GBP6: variants seen among roughly 807,000 people sequenced by gnomAD.
The protein encoded by GBP6 is guanylate binding protein family member 6, also known as guanylate-binding protein 6.
Under a neutral mutation model 61.5 loss-of-function variants are expected in GBP6, and 54 were observed. That is an observed-to-expected ratio of 0.88 (90% CI 0.71 to 1.10). The LOEUF (loss-of-function observed/expected upper bound fraction) is 1.10. Among genes scored for constraint, GBP6 ranks in the 50% least tolerant of loss-of-function variants. The pLI is 0.00. For missense variants in GBP6, 748 were observed against 752.8 expected, an observed-to-expected ratio of 0.99 and a Z score of 0.07; for synonymous variants, 255 against 273.7, an observed-to-expected ratio of 0.93 and a Z score of 0.67.
At position 89,378,137 on chromosome 1, in the gene GBP6, T is replaced by C. The variant is rs1215488566; in HGVS notation, c.353T>C (p.Leu118Pro). Residue 118 changes from leucine to proline, a missense_variant, in exon 4 of 11, where the codon CTG becomes CCG. Coordinates refer to ENST00000370456, the MANE Select transcript of GBP6 (RefSeq NM_198460.3). Reference protein sequence around the residue: ...DPKNDSWIFALAVLLCSTFVY... With the variant: ...DPKNDSWIFAPAVLLCSTFVY... ...AAGAATGACTCCTGGATCTTTGCCCTGGCTGTGCTCCTGTGCAGCACCTTT... is the reference window on the plus strand; with the variant it reads ...AAGAATGACTCCTGGATCTTTGCCCCGGCTGTGCTCCTGTGCAGCACCTTT... 1 of 1,613,284 alleles carries C rather than the reference T, an allele frequency of 6.2e-7. No homozygotes were observed. The highest frequency in any genetic ancestry group is 8.5e-7 in the Non-Finnish European group (1 of 1,179,802).
At chr1:89,373,188 G>T (rs1652694131) in intron 3 of GBP6, among the ~76,000 whole-genome samples, 1 of 152,186 alleles carries the variant, frequency 6.6e-6, no homozygotes, top group Non-Finnish European at 1.5e-5. Context: ...AGGATGTGGA[G>T]AAATAGGAAC....
At chr1:89,366,298 C>T (rs1167752886) in intron 1 of GBP6, among the ~76,000 whole-genome samples, 2 of 152,088 alleles carry the variant, frequency 1.3e-5, no homozygotes, top group East Asian at 3.8e-4. Context: ...GAGTAAATTG[C>T]AGAGAACCTG....
At position 89,385,249 on chromosome 1, in the gene GBP6, A is replaced by T. The variant is rs1209761733; in HGVS notation, c.1682A>T (p.His561Leu). 6.2e-7 allele frequency: 1 copy of T among 1,613,606 alleles called. No homozygotes were observed. Among genetic ancestry groups the T allele is most frequent in the Non-Finnish European group, 8.5e-7 (1 of 1,179,568 alleles). ...CTTTAGGTCCAAAATGATTGGCTTC[A>T]TGAAGGATTTAAGAAGAAGTATGAG... ...HTQKVQNDWL[H>L]EGFKKKYEEM... Residue 561 changes from histidine to leucine, a missense_variant, in exon 11 of 11, where the codon CAT becomes CTT. His to Leu is a moderately conservative substitution (Grantham distance 99). Coordinates refer to ENST00000370456, the MANE Select transcript of GBP6 (RefSeq NM_198460.3).
At position 89,373,005 on chromosome 1, in the gene GBP6, G is replaced by T. The variant is rs145839123; in HGVS notation, c.318+3332G>T. Among the ~76,000 whole-genome samples the T allele has an allele frequency of 8.5e-3, 1,286 of 152,186 alleles. 17 individuals are homozygous for T. Among genetic ancestry groups the T allele is most frequent in the African/African-American group, 0.029 (1,223 of 41,498 alleles). On this transcript the variant is annotated intron_variant, in intron 3 of 10. Coordinates refer to ENST00000370456, the MANE Select transcript of GBP6 (RefSeq NM_198460.3). The stretch of plus-strand genomic sequence containing the variant: ...CAACCCCATCAAAAAGTGGGCAAAG[G>T]ATATGAACAGACACTTCTCAAAAGA...
intron 10 of GBP6, 97 bp from the exon 11 acceptor site, chr1:89,385,133 G>C (rs1471327413): frequency 9.1e-7 from 1 of 1,095,684 alleles, no homozygotes; most frequent in Non-Finnish European, 1.3e-6. Context: ...GTTTTTAGGA[G>C]TAAAATAAAG....
At chr1:89,370,964 T>G (rs1652618190) in intron 3 of GBP6, among the ~76,000 whole-genome samples, 1 of 152,208 alleles carries the variant, frequency 6.6e-6, no homozygotes, top group African/African-American at 2.4e-5. Context: ...TAACTGAAAT[T>G]TTGAACTCTG....
At chr1:89,378,295 T>C in intron 4 of GBP6, 83 bp downstream of exon 4, 1 of 1,530,778 alleles carries the variant, frequency 6.5e-7, no homozygotes. Flanking sequence ...TCCTTCCCTT[T>C]GATGTAATTA....
intron 5 of GBP6, among the ~76,000 whole-genome samples, chr1:89,380,072 A>C (rs1652920734): frequency 6.6e-6 from 1 of 152,206 alleles, no homozygotes. Context: ...TAGGAAATCA[A>C]GGATGCAGTA....
intron 1 of GBP6, among the ~76,000 whole-genome samples, chr1:89,366,727 C>G (rs1050571892): frequency 3.9e-5 from 6 of 152,108 alleles, no homozygotes. Context: ...TACTATTTTA[C>G]TAATTAAGAA....
In GBP6 at chr1:89,383,746, C is replaced by T; in HGVS notation, c.1460C>T (p.Ala487Val). The change falls in exon 9 of 11, where the codon GCA (alanine) becomes GTA (valine). Residue 487 changes from alanine (A) to valine (V), a missense_variant. Coordinates refer to ENST00000370456, the MANE Select transcript of GBP6 (RefSeq NM_198460.3). ...AAAGCCCTCACTGATAGAGAGAAGGCAGTAGCAGGTATGGGGCAGGGCTCA... is the reference window on the plus strand; with the variant it reads ...AAAGCCCTCACTGATAGAGAGAAGGTAGTAGCAGGTATGGGGCAGGGCTCA... ...SDKALTDREKAVAVDRAKKEA... is the reference protein window; with the variant it reads ...SDKALTDREKVVAVDRAKKEA... 1.6e-5 allele frequency: 25 copies of T among 1,607,360 alleles called. No individual in the cohort carries two copies. The highest frequency in any genetic ancestry group is 2.1e-5 in the Non-Finnish European group (25 of 1,176,946).
Position 89,378,533 on chromosome 1 carries a change from A to T in GBP6, c.545A>T (p.Asp182Val). Residue 182 changes from aspartate (D) to valine (V), a missense_variant, in exon 5 of 11, where the codon GAT becomes GTT. Asp to Val is a radical substitution (Grantham distance 152, BLOSUM62 -3). Transcript: ENST00000370456. Reference protein sequence around the residue: ...FFPDFLWTVRDFTLELKLNGH... With the variant: ...FFPDFLWTVRVFTLELKLNGH... Reference sequence around the variant, plus strand: ...CCAGACTTTCTTTGGACAGTACGGGATTTCACTCTGGAGCTGAAGTTGAAC... The same window carrying T: ...CCAGACTTTCTTTGGACAGTACGGGTTTTCACTCTGGAGCTGAAGTTGAAC... 1 of 1,614,094 alleles carries T rather than the reference A, an allele frequency of 6.2e-7. No homozygotes were observed.
In GBP6 at chr1:89,379,346, T is replaced by TG. The variant is rs59888599; in HGVS notation, c.625+745dup. Among the ~76,000 whole-genome samples the TG allele has an allele frequency of 3.6e-3, 551 of 151,298 alleles. 9 individuals are homozygous for TG. The East Asian group carries it at 0.056, about 15-fold the overall frequency. On this transcript the variant is annotated intron_variant, in intron 5 of 10. Transcript: ENST00000370456. ...CTCCCACTAGGCCCACCTCCAACAT[T>TG]GGGGGGGGGGGGTCATATTTCAACA... is the stretch of plus-strand genomic sequence containing the variant.
Position 89,377,116 on chromosome 1 carries a change from G to C in GBP6, c.319-987G>C, listed in dbSNP as rs140567016. Among the ~76,000 whole-genome samples the C allele has an allele frequency of 8.8e-3, 1,342 of 152,278 alleles. 14 individuals carry two copies. The highest frequency in any genetic ancestry group is 0.016 in the Non-Finnish European group (1,063 of 68,014). ...GTTTTTATATTTGCTTTAGGAACCA[G>C]TTACACATGCTTTTTAGGATAGAAA... On this transcript the variant is annotated intron_variant, in intron 3 of 10. Transcript: ENST00000370456.
At position 89,369,611 on chromosome 1, in the gene GBP6, C is replaced by G; in HGVS notation, c.256C>G (p.Pro86Ala). ...KGIWMWCVPH[P>A]SKPNHTLVLL... Reference sequence around the variant, plus strand: ...CATCTGGATGTGGTGCGTGCCCCACCCATCCAAGCCAAACCACACCCTGGT... The same window carrying G: ...CATCTGGATGTGGTGCGTGCCCCACGCATCCAAGCCAAACCACACCCTGGT... The change falls in exon 3 of 11, where the codon CCA (proline) becomes GCA (alanine). Residue 86 changes from proline (P) to alanine (A), a missense_variant. By Grantham distance (27) the Pro-to-Ala change is conservative. Transcript: ENST00000370456. 6.2e-7 allele frequency: 1 copy of G among 1,614,068 alleles called. No homozygotes were observed.
intron 2 of GBP6, 88 bp downstream of exon 2, chr1:89,368,829 A>G (rs2100657858): frequency 8.1e-7 from 1 of 1,238,276 alleles, no homozygotes; most frequent in East Asian, 2.3e-5. Context: ...ACATGAAGGT[A>G]GACTCCAATT....
At chr1:89,364,553 G>T (rs1434877656) in intron 1 of GBP6, among the ~76,000 whole-genome samples, 1 of 149,780 alleles carries the variant, frequency 6.7e-6, no homozygotes, top group Non-Finnish European at 1.5e-5. Context: ...TCTCTATGTA[G>T]AAATAAACTT....
At chr1:89,364,877 C>A (rs900299941) in intron 1 of GBP6, among the ~76,000 whole-genome samples, 1 of 151,392 alleles carries the variant, frequency 6.6e-6, no homozygotes, top group Non-Finnish European at 1.5e-5. Context: ...GTTTGCTGCA[C>A]CTATCAATCC....
chr1:89,385,245 C>G lies in GBP6; in HGVS notation c.1678C>G (p.Leu560Val), dbSNP rs1265440568. ...EHTQKVQNDW[L>V]HEGFKKKYEE... ...TTGTCTTTAGGTCCAAAATGATTGG[C>G]TTCATGAAGGATTTAAGAAGAAGTA... Residue 560 changes from leucine (L) to valine (V), a missense_variant, in exon 11 of 11, where the codon CTT becomes GTT. Coordinates refer to ENST00000370456, the MANE Select transcript of GBP6 (RefSeq NM_198460.3). 1 of 1,613,430 alleles carries G rather than the reference C, an allele frequency of 6.2e-7. No homozygotes were observed. The highest frequency in any genetic ancestry group is 8.5e-7 in the Non-Finnish European group (1 of 1,179,468).
rs1341920987 is a variant in GBP6 at position 89,382,860 on chromosome 1, C to A, written c.1349C>A (p.Pro450His). 6.2e-7 allele frequency: 1 copy of A among 1,612,810 alleles called. No homozygotes were observed. The highest frequency in any genetic ancestry group is 1.7e-5 in the Admixed American group (1 of 60,000). The change falls in exon 8 of 11, where the codon CCC becomes CAC. Residue 450 changes from proline (P) to histidine (H), a missense_variant. By Grantham distance (77) the Pro-to-His change is moderately conservative. Coordinates refer to ENST00000370456, the MANE Select transcript of GBP6 (RefSeq NM_198460.3). ...ERIEQDYWQV[P>H]RKGVKAKEVF... ...ATTGAACAGGACTATTGGCAAGTTC[C>A]CAGGAAAGGAGTAAAGGTAAGGAAT... is the stretch of plus-strand genomic sequence containing the variant.
Sources: gnomAD v4.1 joint callset for allele counts (sites outside exome capture counted in the v4.1 genomes callset) on GRCh38, gnomAD v4.1.1 for gene constraint, MANE v1.5 for transcripts, NCBI Gene and HGNC (gene_info 2026-07-23, HGNC 2026-07-21) for gene names.